Variants in DEPDC5 observed in about 807,000 individuals in gnomAD.
The protein encoded by DEPDC5 is GATOR1 complex protein DEPDC5.
Under a neutral mutation model 217.3 loss-of-function variants are expected in DEPDC5, and 73 were observed. The observed-to-expected ratio is 0.34, with a 90% CI of 0.28 to 0.41. The LOEUF (loss-of-function observed/expected upper bound fraction) is 0.41. Ranked by LOEUF, DEPDC5 falls within the 10% of genes least tolerant of loss-of-function variation. The pLI is 1.00. For missense variants in DEPDC5, 1,675 were observed against 2,070.1 expected (o/e 0.81, Z 3.70); for synonymous variants, 733 against 756.7 (o/e 0.97, Z 0.51).
At chr22:31,905,213 C>T (rs772652435) in intron 41 of DEPDC5, among the ~76,000 whole-genome samples, 7 of 151,816 alleles carry the variant, frequency 4.6e-5, no homozygotes, top group Non-Finnish European at 7.4e-5. Flanking sequence ...GATGGAGTCT[C>T]GCCCTGTCAC....
At chr22:31,849,884 C>T (rs2091938308) in intron 31 of DEPDC5, among the ~76,000 whole-genome samples, 2 of 152,164 alleles carry the variant, frequency 1.3e-5, no homozygotes, top group Admixed American at 1.3e-4. Context: ...ATTCAGTTAC[C>T]TCCCACTGGG....
At position 31,846,868 on chromosome 22, in the gene DEPDC5, G is replaced by C. The variant is rs890088250; in HGVS notation, c.3056G>C (p.Gly1019Ala). 7 of 1,614,172 alleles carry C rather than the reference G, an allele frequency of 4.3e-6. No homozygotes were observed. The South Asian group carries it at 7.7e-5, about 18-fold the overall frequency. The change falls in exon 31 of 43, where the codon GGG (glycine) becomes GCG (alanine). Residue 1019 changes from glycine (G) to alanine (A), a missense_variant. Gly to Ala is a moderately conservative substitution (Grantham distance 60, BLOSUM62 0). Transcript: ENST00000651528. Reference sequence around the variant, plus strand: ...GCCATGAAAGGCTTGCAGATGACTGGGCCCATTTCCACGCATTCTCTGGAG... The same window carrying C: ...GCCATGAAAGGCTTGCAGATGACTGCGCCCATTTCCACGCATTCTCTGGAG... ...GTAMKGLQMT[G>A]PISTHSLEST...
At chr22:31,792,131 T>C (rs754168488) in intron 11 of DEPDC5, 29 bp downstream of exon 11, 3 of 1,557,928 alleles carry the variant, frequency 1.9e-6, no homozygotes, top group African/African-American at 1.4e-5. Context: ...CCTACAGTTA[T>C]GTTTTTGTTA....
At chr22:31,894,080 A>G (rs1489349271) in intron 39 of DEPDC5, 1 of 172,738 alleles carries the variant, frequency 5.8e-6, no homozygotes, top group African/African-American at 2.4e-5. Context: ...CAGGTGTGGT[A>G]AGCAAAATGT....
At chr22:31,851,633 TG>T (rs2092032521) in intron 31 of DEPDC5, among the ~76,000 whole-genome samples, 1 of 152,206 alleles carries the variant, frequency 6.6e-6, no homozygotes, top group African/African-American at 2.4e-5. Flanking sequence ...GGATATTTAT[TG>T]AATGATGGGT....
At chr22:31,790,606 C>T (rs1471066804) in intron 10 of DEPDC5, among the ~76,000 whole-genome samples, 1 of 152,104 alleles carries the variant, frequency 6.6e-6, no homozygotes, top group Non-Finnish European at 1.5e-5. Context: ...TTCCCTAGAC[C>T]ACAATTCTGC....
intron 18 of DEPDC5, among the ~76,000 whole-genome samples, chr22:31,806,396 T>G (rs1236445526): frequency 6.6e-6 from 1 of 152,230 alleles, no homozygotes; most frequent in Non-Finnish European, 1.5e-5. Context: ...GTTATTTTAG[T>G]CCTGAGGTAC....
intron 14 of DEPDC5, among the ~76,000 whole-genome samples, chr22:31,799,233 C>A (rs189018691): frequency 6.6e-6 from 1 of 151,412 alleles, no homozygotes; most frequent in East Asian, 2.0e-4. Context: ...TTAGGAGACA[C>A]GGGGTTTCAC....
At chr22:31,785,629 A>G (rs1372647788) in intron 10 of DEPDC5, among the ~76,000 whole-genome samples, 1 of 151,604 alleles carries the variant, frequency 6.6e-6, no homozygotes, top group Non-Finnish European at 1.5e-5. Flanking sequence ...GTGGAATTGC[A>G]AGGGATCCTG....
chr22:31,788,399 A>G (rs867850980), intron 10 of DEPDC5, among the ~76,000 whole-genome samples: 6 of 147,806 alleles, frequency 4.1e-5, no homozygotes, highest in South Asian at 2.1e-4. Flanking sequence ...TCAGCCTCCT[A>G]TAGTAGCTAG....
chr22:31,882,314 A>C (rs2093198571), intron 38 of DEPDC5, among the ~76,000 whole-genome samples: 1 of 152,190 alleles, frequency 6.6e-6, no homozygotes. Context: ...TCAGATACGC[A>C]CCAAAGAGAG....
chr22:31,854,746 C>T (rs1342496237), intron 31 of DEPDC5, among the ~76,000 whole-genome samples: 2 of 152,136 alleles, frequency 1.3e-5, no homozygotes, highest in African/African-American at 4.8e-5. Flanking sequence ...GTAACTTCTG[C>T]TTCTCAGGAA....
intron 10 of DEPDC5, among the ~76,000 whole-genome samples, chr22:31,791,627 CAA>C (rs142053932): frequency 4.5e-4 from 28 of 62,082 alleles, no homozygotes; most frequent in Admixed American, 6.1e-4. Flanking sequence ...GAGACTGCCT[CAA>C]AAAAAAAAAA....
At chr22:31,811,567 T>G (rs2088342711) in intron 20 of DEPDC5, among the ~76,000 whole-genome samples, 1 of 151,734 alleles carries the variant, frequency 6.6e-6, no homozygotes, top group Admixed American at 6.6e-5. Flanking sequence ...TTTTTTTTTT[T>G]GAGACAGGAT....
chr22:31,849,035 A>G (rs1238087763), intron 31 of DEPDC5, among the ~76,000 whole-genome samples: 1 of 152,084 alleles, frequency 6.6e-6, no homozygotes, highest in African/African-American at 2.4e-5. Flanking sequence ...TGTTCATATC[A>G]CTATCAGCAT....
At chr22:31,830,719 A>AT (rs2090535326) in intron 24 of DEPDC5, among the ~76,000 whole-genome samples, 1 of 149,594 alleles carries the variant, frequency 6.7e-6, no homozygotes, top group South Asian at 2.1e-4. Context: ...TTGGCCTAGG[A>AT]TTCAAAGCTG....
chr22:31,765,113 A>G, intron 5 of DEPDC5, 53 bp downstream of exon 5: 1 of 1,386,902 alleles, frequency 7.2e-7, no homozygotes, highest in Non-Finnish European at 1.0e-6. Flanking sequence ...ACCCTTCCTC[A>G]AGGTTAGATT....
chr22:31,857,506 A>C lies in DEPDC5; in HGVS notation c.3217A>C (p.Ser1073Arg), dbSNP rs754608531. 114 of 1,612,624 alleles carry C rather than the reference A, an allele frequency of 7.1e-5. 1 individual carries two copies. Among genetic ancestry groups the C allele is most frequent in the Non-Finnish European group, 9.2e-5 (108 of 1,179,528 alleles). ...GGKSSAQSAESSSVAMTPTYM... is the reference protein window; with the variant it reads ...GGKSSAQSAERSSVAMTPTYM... Reference sequence around the variant, plus strand: ...GAAGAGCTCCGCCCAGTCAGCCGAGAGCAGCAGCGTTGCCATGACTCCCAC... The same window carrying C: ...GAAGAGCTCCGCCCAGTCAGCCGAGCGCAGCAGCGTTGCCATGACTCCCAC... Residue 1073 changes from serine to arginine, a missense_variant, in exon 32 of 43, where the codon AGC becomes CGC. Around this residue, in one of 11 missense-constraint regions of DEPDC5, gnomAD observed 126 missense variants for 113.8 expected, o/e 1.11. Transcript: ENST00000651528.
At position 31,768,786 on chromosome 22, in the gene DEPDC5, C is replaced by T. The variant is rs755250431; in HGVS notation, c.364-28C>T. On this transcript the variant is annotated intron_variant, in intron 6 of 42. Coordinates refer to ENST00000651528, the MANE Select transcript of DEPDC5 (RefSeq NM_001242896.3). ...TCACCCTCTCTCCCTCCCTCCCTCT[C>T]TCTACCCCTCTCTCCCCCTCCTCTT... 7.5e-6 allele frequency: 12 copies of T among 1,593,734 alleles called. No individual in the cohort carries two copies. In the African/African-American group the frequency reaches 1.3e-4, roughly 18 times the overall value.
Sources: gnomAD v4.1 joint callset for allele counts (sites outside exome capture counted in the v4.1 genomes callset) on GRCh38, gnomAD v4.1.1 for gene constraint, gnomAD v4.1.1 regional missense constraint, MANE v1.5 for transcripts, NCBI Gene and HGNC (gene_info 2026-07-23, HGNC 2026-07-21) for gene names.